The following HCFC1 variants were observed in gnomAD, a reference collection of about 807,000 sequenced individuals.
HCFC1 encodes the protein host cell factor 1.
Under a neutral mutation model 105.5 loss-of-function variants are expected in HCFC1, and 7 were observed. The observed-to-expected ratio is 0.07, with a 90% CI of 0.04 to 0.12. HCFC1 has a LOEUF of 0.12. Ranked by LOEUF, HCFC1 falls within the 10% of genes least tolerant of loss-of-function variation. The pLI, the probability that HCFC1 is intolerant of heterozygous loss-of-function variation, is 1.00. For missense variants in HCFC1, 1,065 were observed against 1,823.6 expected (o/e 0.58, Z 7.58); for synonymous variants, 918 against 828.1 (o/e 1.11, Z -1.86).
chrX:153,958,727 G>A lies in HCFC1; in HGVS notation c.1645C>T (p.Leu549=), dbSNP rs782257797. ...TGGGTGGCAGCGGCCGCAGCGGCCA[G>A]TGCGGCCATCCCACTCATCTGTGGG... ...SSPQMSGMAA[L]AAAAAATQKI... Residue 549 remains leucine, a synonymous_variant, in exon 10 of 26, where the codon CTG becomes TTG. Transcript: ENST00000310441. The A allele has an allele frequency of 1.2e-5, 14 of 1,187,161 alleles. No homozygotes were observed. Among genetic ancestry groups the A allele is most frequent in the Admixed American group, 9.0e-5 (4 of 44,205 alleles).
rs782547175 is a variant in HCFC1 at position 153,960,127 on chromosome X, T to C, written c.1119A>G (p.Val373=). The C allele has an allele frequency of 1.8e-4, 215 of 1,208,844 alleles. No individual in the cohort carries two copies. The East Asian group carries it at 5.3e-3, about 30-fold the overall frequency. ...CCTCCAGGGAGTTGGTGTTGGCGCG[T>C]ACCAGTTGTACTCGGGCTGGGGGTG... ...KPPPPARVQL[V]RANTNSLEVS... is the part of the protein sequence containing the mutation. Residue 373 remains valine, a synonymous_variant, in exon 8 of 26, where the codon GTA becomes GTG. Coordinates refer to ENST00000310441, the MANE Select transcript of HCFC1 (RefSeq NM_005334.3).
At position 153,949,194 on chromosome X, in the gene HCFC1, A is replaced by T; in HGVS notation, c.*153T>A. The T allele has an allele frequency of 2.1e-6, 1 of 475,213 alleles. No homozygotes were observed. The highest frequency in any genetic ancestry group is 3.7e-6 in the Non-Finnish European group (1 of 268,050). 39.2% of individuals were successfully genotyped at this position (475,213 alleles called of 1,213,427 possible). A position where few individuals can be genotyped will look rare whatever the true frequency, so the allele number is the denominator to read the frequency against. On this transcript the variant is annotated 3_prime_UTR_variant, in exon 26 of 26. Transcript: ENST00000310441. ...AAATGTGCTTTCTTTAGATTATTTT[A>T]AAAACAGAGAGAAAGAGAAAGGGGA...
At position 153,949,145 on chromosome X, in the gene HCFC1, T is replaced by C. The variant is rs2065284947; in HGVS notation, c.*202A>G. The C allele has an allele frequency of 2.3e-5, 9 of 392,732 alleles. No individual in the cohort carries two copies. The East Asian group carries it at 3.8e-4, about 16-fold the overall frequency. The allele number at this position is 392,732 out of a possible 1,213,427, so 32.4% of individuals were successfully genotyped here. A position where few individuals can be genotyped will look rare whatever the true frequency, so the allele number is the denominator to read the frequency against. ...CTCTCTCTGCTTTCCCATCTGCCTC[T>C]GCTTCCTCCCAACAGCAATGGTAAA... On this transcript the variant is annotated 3_prime_UTR_variant, in exon 26 of 26. Transcript: ENST00000310441.
Position 153,960,070 on chromosome X carries a change from G to A in HCFC1, c.1176C>T (p.Ser392=). The A allele has an allele frequency of 8.3e-7, 1 of 1,211,793 alleles. No homozygotes were observed. The highest frequency in any genetic ancestry group is 1.1e-6 in the Non-Finnish European group (1 of 895,439). Residue 392 remains serine, a synonymous_variant, in exon 8 of 26, where the codon AGC becomes AGT. Transcript: ENST00000310441. ...VSWGAVATAD[S]YLLQLQKYDI... The stretch of plus-strand genomic sequence containing the variant: ...CATATTTCTGGAGCTGGAGAAGGTA[G>A]CTGTCGGCTGTTGCCACTGCCCCCC...
chrX:153,957,938 TG>T (rs1295209903), intron 11 of HCFC1, 52 bp from the exon 12 acceptor site: 1 of 1,152,625 alleles, frequency 8.7e-7, no homozygotes, highest in African/African-American at 1.8e-5. Flanking sequence ...AACAAGGGCA[TG>T]GCCTGGCTGA....
At chrX:153,960,610 C>T (rs1037607385) in intron 6 of HCFC1, among the ~76,000 whole-genome samples, 196 bp from the exon 7 acceptor site, 2 of 112,485 alleles carry the variant, frequency 1.8e-5, no homozygotes, top group Non-Finnish European at 3.8e-5. Flanking sequence ...AAACCACCAA[C>T]GGCCAACTAA....
In HCFC1 at chrX:153,950,920, C is replaced by T; in HGVS notation, c.5596G>A (p.Val1866Ile). The change falls in exon 23 of 26, where the codon GTT (valine) becomes ATT (isoleucine). Residue 1866 changes from valine to isoleucine, a missense_variant. This residue lies in a region of HCFC1 where 5 missense variants were observed against 43.2 expected (regional missense o/e 0.12). Coordinates refer to ENST00000310441, the MANE Select transcript of HCFC1 (RefSeq NM_005334.3). ...CGGCCACAGGCATTGATTCCGGCAA[C>T]ACGAAACTTATAGGCTGTGCCTGGC... ...LQPGTAYKFR[V>I]AGINACGRGP... 2 of 1,211,089 alleles carry T rather than the reference C, an allele frequency of 1.7e-6. No homozygotes were observed. Among genetic ancestry groups the T allele is most frequent in the Non-Finnish European group, 2.2e-6 (2 of 895,154 alleles).
intron 16 of HCFC1, among the ~76,000 whole-genome samples, 194 bp from the exon 17 acceptor site, chrX:153,955,736 C>T (rs912677349): frequency 8.9e-6 from 1 of 112,234 alleles, no homozygotes; most frequent in Non-Finnish European, 1.9e-5. Context: ...CACCACTTTG[C>T]CTCAAAGGCA....
At chrX:153,963,148 C>T in intron 4 of HCFC1, 77 bp downstream of exon 4, 1 of 763,735 alleles carries the variant, frequency 1.3e-6, no homozygotes, top group Non-Finnish European at 2.0e-6. Flanking sequence ...CACCATACAA[C>T]AGCGCCACCC....
At chrX:153,955,929 G>A (rs1275266580) in intron 16 of HCFC1, among the ~76,000 whole-genome samples, 2 of 113,292 alleles carry the variant, frequency 1.8e-5, no homozygotes. Flanking sequence ...GAGCTGCGGC[G>A]TCCTGTAGAA....
Position 153,952,172 on chromosome X carries a change from G to A in HCFC1, c.4943-14C>T, listed in dbSNP as rs782013279. ...GCTCGCCGGTGCCTGCTCCAGGGTCGAGAGAAACACTACTTACTAGGAAGG... is the reference window on the plus strand; with the variant it reads ...GCTCGCCGGTGCCTGCTCCAGGGTCAAGAGAAACACTACTTACTAGGAAGG... On this transcript the variant is annotated splice_polypyrimidine_tract_variant and intron_variant, in intron 19 of 25. Transcript: ENST00000310441. 6.4e-6 allele frequency: 7 copies of A among 1,096,385 alleles called. No individual in the cohort carries two copies. The East Asian group carries it at 2.3e-4, about 36-fold the overall frequency. The allele number at this position is 1,096,385 out of a possible 1,213,427, so 90.4% of individuals were successfully genotyped here.
At chrX:153,959,747 C>A in intron 8 of HCFC1, 55 bp downstream of exon 8, 1 of 1,139,915 alleles carries the variant, frequency 8.8e-7, no homozygotes, top group African/African-American at 1.8e-5. Flanking sequence ...TTGGCCGCTG[C>A]CTCTCCCCGG....
rs2065415875 is a variant in HCFC1, at chrX:153,960,174, G to A, written c.1085-13C>T. The A allele has an allele frequency of 3.3e-6, 4 of 1,203,870 alleles. No individual in the cohort carries two copies. The highest frequency in any genetic ancestry group is 2.2e-5 in the Admixed American group (1 of 45,444). On this transcript the variant is annotated splice_polypyrimidine_tract_variant and intron_variant, in intron 7 of 25. Transcript: ENST00000310441. Reference sequence around the variant, plus strand: ...GGTGGTGGCTTTTCTGTGGGAGAACGCAGTTGGTGAGAAGGGGCGGGAGGC... The same window carrying A: ...GGTGGTGGCTTTTCTGTGGGAGAACACAGTTGGTGAGAAGGGGCGGGAGGC...
intron 1 of HCFC1, among the ~76,000 whole-genome samples, chrX:153,967,295 G>A (rs2065481738): frequency 9.0e-6 from 1 of 111,718 alleles, no homozygotes; most frequent in Non-Finnish European, 1.9e-5. Flanking sequence ...GGTGGGGAAA[G>A]GACCCTGCAC....
rs2065343096 is a variant in HCFC1 at position 153,954,052 on chromosome X, C to T, written c.4333+14G>A. 1 of 1,181,277 alleles carries T rather than the reference C, an allele frequency of 8.5e-7. No homozygotes were observed. The highest frequency in any genetic ancestry group is 1.1e-6 in the Non-Finnish European group (1 of 876,969). On this transcript the variant is annotated intron_variant, in intron 17 of 25. Coordinates refer to ENST00000310441, the MANE Select transcript of HCFC1 (RefSeq NM_005334.3). ...TGGGAGACCATGAAAGCCAGGCTGG[C>T]CACCTTCACTTACCTTGGTTTGAAC...
rs1557112154 is a variant in HCFC1 at position 153,950,483 on chromosome X, C to G, written c.5764G>C (p.Glu1922Gln). The G allele has an allele frequency of 8.4e-7, 1 of 1,191,018 alleles. No homozygotes were observed. Among genetic ancestry groups the G allele is most frequent in the Non-Finnish European group, 1.1e-6 (1 of 883,138 alleles). ...TGGATGGCCAGGTACACGGAGTACT[C>G]GATAATCTTGCCGGAGGTCACAGAG... is the stretch of plus-strand genomic sequence containing the variant. Reference protein sequence around the residue: ...PPSVTSGKIIEYSVYLAIQSS... With the variant: ...PPSVTSGKIIQYSVYLAIQSS... Residue 1922 changes from glutamate (E) to glutamine (Q), a missense_variant, in exon 24 of 26, where the codon GAG (glutamate) becomes CAG (glutamine). Around this residue, in one of 17 missense-constraint regions of HCFC1, gnomAD observed 32 missense variants for 68.3 expected, o/e 0.47. Transcript: ENST00000310441.
In HCFC1 at chrX:153,952,178, A is replaced by G. The variant is rs2065319718; in HGVS notation, c.4943-20T>C. 9.2e-7 allele frequency: 1 copy of G among 1,092,421 alleles called. No individual in the cohort carries two copies. Among genetic ancestry groups the G allele is most frequent in the Admixed American group, 3.7e-5 (1 of 27,091 alleles). The allele number at this position is 1,092,421 out of a possible 1,213,427, so 90.0% of individuals were successfully genotyped here. A position where few individuals can be genotyped will look rare whatever the true frequency, so the allele number is the denominator to read the frequency against. On this transcript the variant is annotated intron_variant, in intron 19 of 25. Coordinates refer to ENST00000310441, the MANE Select transcript of HCFC1 (RefSeq NM_005334.3). The stretch of plus-strand genomic sequence containing the variant: ...CGGTGCCTGCTCCAGGGTCGAGAGA[A>G]ACACTACTTACTAGGAAGGCTGGCC...
At chrX:153,952,219 G>A (rs781888288) in intron 19 of HCFC1, 61 bp from the exon 20 acceptor site, 25 of 1,080,016 alleles carry the variant, frequency 2.3e-5, no homozygotes, top group East Asian at 1.7e-4. Flanking sequence ...CGGGCAGCCC[G>A]GGCGGAGGCC....
rs782694165 is a variant in HCFC1 at position 153,970,863 on chromosome X, G to A, written c.-23C>T. On this transcript the variant is annotated 5_prime_UTR_variant, in exon 1 of 26. Coordinates refer to ENST00000310441, the MANE Select transcript of HCFC1 (RefSeq NM_005334.3). ...CATAGTTCCGGGAAAGGGTGCGGTGGGGAGAAGTCAACAAGCGGGAAGGGA... is the reference window on the plus strand; with the variant it reads ...CATAGTTCCGGGAAAGGGTGCGGTGAGGAGAAGTCAACAAGCGGGAAGGGA... The A allele has an allele frequency of 5.3e-6, 6 of 1,127,134 alleles. No homozygotes were observed. Among genetic ancestry groups the A allele is most frequent in the Non-Finnish European group, 5.9e-6 (5 of 852,677 alleles). 92.9% of individuals were successfully genotyped at this position (1,127,134 alleles called of 1,213,427 possible).
Sources: gnomAD v4.1 joint callset for allele counts (sites outside exome capture counted in the v4.1 genomes callset) on GRCh38, gnomAD v4.1.1 for gene constraint, gnomAD v4.1.1 regional missense constraint, MANE v1.5 for transcripts, NCBI Gene and HGNC (gene_info 2026-07-23, HGNC 2026-07-21) for gene names.